The following PLEKHA4 variants were observed in gnomAD, a reference collection of about 807,000 sequenced individuals.
The protein encoded by PLEKHA4 is pleckstrin homology domain containing A4.
Under a neutral mutation model 94.7 loss-of-function variants are expected in PLEKHA4, and 73 were observed. That is an observed-to-expected ratio of 0.77 (90% CI 0.64 to 0.94). PLEKHA4 has a LOEUF of 0.94. Among genes scored for constraint, PLEKHA4 ranks in the 40% least tolerant of loss-of-function variants. The pLI, the probability that PLEKHA4 is intolerant of heterozygous loss-of-function variation, is 0.00. For missense variants in PLEKHA4, 1,049 were observed against 1,054.1 expected (o/e 1.00, Z 0.07); for synonymous variants, 449 against 437.1 (o/e 1.03, Z -0.34).
rs2036560132 is a variant in PLEKHA4, at chr19:48,859,635, C to A, written c.526G>T (p.Gly176Cys). The change falls in exon 7 of 20, where the codon GGC (glycine) becomes TGC (cysteine). Residue 176 changes from glycine (G) to cysteine (C), a missense_variant. Coordinates refer to ENST00000263265, the MANE Select transcript of PLEKHA4 (RefSeq NM_020904.3). ...CTCACCTCCGGGGGACCACCGGGGC[C>A]GCCGGGGCCCTCCCCGGGCTGGGGT... Reference protein sequence around the residue: ...ARPQPGEGPGGPGGPPEVSRG... With the variant: ...ARPQPGEGPGCPGGPPEVSRG... 1 of 1,612,728 alleles carries A rather than the reference C, an allele frequency of 6.2e-7. No individual in the cohort carries two copies. Among genetic ancestry groups the A allele is most frequent in the Non-Finnish European group, 8.5e-7 (1 of 1,179,958 alleles).
chr19:48,844,744 T>A, intron 16 of PLEKHA4: 1 of 610,300 alleles, frequency 1.6e-6, no homozygotes, highest in Non-Finnish European at 2.0e-6. Flanking sequence ...CCACTAGAAG[T>A]CAACCAGTTT....
intron 16 of PLEKHA4, among the ~76,000 whole-genome samples, chr19:48,843,305 A>T (rs759446038): frequency 4.0e-5 from 6 of 151,800 alleles, no homozygotes; most frequent in Non-Finnish European, 7.4e-5. Context: ...CAGCCTCCCG[A>T]GTAGCTGGGA....
chr19:48,838,240 C>A, intron 18 of PLEKHA4, 111 bp from the exon 19 acceptor site: 1 of 590,854 alleles, frequency 1.7e-6, no homozygotes, highest in South Asian at 2.2e-5. Flanking sequence ...TTAGATAGCA[C>A]AACAGAATGA....
rs1178813397 is a variant in PLEKHA4, at chr19:48,837,950, C to A, written c.2077+67G>T. On this transcript the variant is annotated intron_variant, in intron 19 of 19. Coordinates refer to ENST00000263265, the MANE Select transcript of PLEKHA4 (RefSeq NM_020904.3). This position sits in a 1 kb window ranked among gnomAD's most constrained non-coding sequence, Gnocchi z 4.3. ...CCCCCAGACCCCTCCTCTCCAGGAC[C>A]TGGGATTCCAGGTCTCCAGCTCTCT... 3.7e-6 allele frequency: 5 copies of A among 1,342,038 alleles called. No homozygotes were observed. The highest frequency in any genetic ancestry group is 5.3e-6 in the Non-Finnish European group (5 of 944,364). 83.1% of individuals were successfully genotyped at this position (1,342,038 alleles called of 1,614,324 possible).
chr19:48,853,534 A>C, intron 12 of PLEKHA4, 148 bp downstream of exon 12: 1 of 867,258 alleles, frequency 1.2e-6, no homozygotes, highest in Non-Finnish European at 1.6e-6. Context: ...GTTACAAGAC[A>C]ATGAGGAGAG....
Position 48,859,582 on chromosome 19 carries a change from T to C in PLEKHA4, c.579A>G (p.Glu193=). 6.2e-7 allele frequency: 1 copy of C among 1,613,942 alleles called. No homozygotes were observed. The highest frequency in any genetic ancestry group is 8.5e-7 in the Non-Finnish European group (1 of 1,180,024). ...TGGAGAGTCGAGTCACTTCCGGTGA[T>C]TCTGAGATGCGCCCCTCTTCCCCTC... ...VSRGEEGRIS[E]SPEVTRLSRG... Residue 193 remains glutamate, a synonymous_variant, in exon 7 of 20, where the codon GAA becomes GAG. Coordinates refer to ENST00000263265, the MANE Select transcript of PLEKHA4 (RefSeq NM_020904.3).
intron 2 of PLEKHA4, 83 bp from the exon 3 acceptor site, chr19:48,865,693 A>G (rs951706223): frequency 3.2e-6 from 3 of 924,862 alleles, no homozygotes; most frequent in Admixed American, 2.2e-5. Context: ...AGGCAACCGT[A>G]GGCTCTCGCT....
At chr19:48,847,469 C>T (rs1402221152) in intron 14 of PLEKHA4, among the ~76,000 whole-genome samples, 6 of 152,048 alleles carry the variant, frequency 3.9e-5, no homozygotes, top group Non-Finnish European at 7.4e-5. Flanking sequence ...AGGTGGCTCA[C>T]GCCTGTAATC....
At chr19:48,843,232 G>A (rs1479641943) in intron 16 of PLEKHA4, among the ~76,000 whole-genome samples, 2 of 152,134 alleles carry the variant, frequency 1.3e-5, no homozygotes, top group African/African-American at 4.8e-5. Context: ...AGGCTGGAGT[G>A]CAATGGCACG....
intron 16 of PLEKHA4, among the ~76,000 whole-genome samples, chr19:48,843,504 A>T (rs1410605010): frequency 6.7e-6 from 1 of 149,826 alleles, no homozygotes; most frequent in Non-Finnish European, 1.5e-5. Context: ...TTTTAAAGAC[A>T]TGGTTTCCCT....
chr19:48,860,543 A>G, intron 5 of PLEKHA4, 84 bp from the exon 6 acceptor site: 1 of 1,064,316 alleles, frequency 9.4e-7, no homozygotes, highest in Non-Finnish European at 1.4e-6. Context: ...ATTCCAGTAA[A>G]CCCAGTGCTT....
intron 17 of PLEKHA4, among the ~76,000 whole-genome samples, chr19:48,840,115 G>GA (rs1396336128): frequency 1.4e-4 from 20 of 147,712 alleles, no homozygotes; most frequent in East Asian, 4.0e-4. Flanking sequence ...CTCAAAAAAA[G>GA]AAAAAAAAAA....
In PLEKHA4 at chr19:48,867,981, A is replaced by G. The variant is rs565415955; in HGVS notation, c.-7+102T>C. ...CAGGCTACCTGTCTCCCGCCCTCCC[A>G]CATGCACCCCCAAACCACCCCTGCC... is the stretch of plus-strand genomic sequence containing the variant. On this transcript the variant is annotated intron_variant, in intron 1 of 19. Transcript: ENST00000263265. The surrounding 1 kb of genome is among the most constrained non-coding windows in gnomAD (Gnocchi z 4.7). 8 of 224,758 alleles carry G rather than the reference A, an allele frequency of 3.6e-5. No homozygotes were observed. The highest frequency in any genetic ancestry group is 8.7e-6 in the Non-Finnish European group (1 of 115,178). The allele number at this position is 224,758 out of a possible 1,614,324, so 13.9% of individuals were successfully genotyped here. A position where few individuals can be genotyped will look rare whatever the true frequency, so the allele number is the denominator to read the frequency against.
chr19:48,857,457 G>T lies in PLEKHA4; in HGVS notation c.1012C>A (p.Arg338=), dbSNP rs201722692. 1.4e-5 allele frequency: 22 copies of T among 1,563,904 alleles called. No individual in the cohort carries two copies. Among genetic ancestry groups the T allele is most frequent in the African/African-American group, 2.8e-5 (2 of 71,508 alleles). Residue 338 remains arginine (R), a synonymous_variant, in exon 9 of 20, where the codon CGG becomes AGG. Coordinates refer to ENST00000263265, the MANE Select transcript of PLEKHA4 (RefSeq NM_020904.3). The stretch of plus-strand genomic sequence containing the variant: ...ATGGAGGCCCGGGTCCCAGGGGGCC[G>T]CGGGGGGAGCTGGAGATAAGTGGGG... The part of the protein sequence containing the change: ...GSPTYLQLPP[R]PPGTRASMVL...
At chr19:48,849,588 C>T (rs1166105629) in intron 13 of PLEKHA4, among the ~76,000 whole-genome samples, 5 of 152,106 alleles carry the variant, frequency 3.3e-5, no homozygotes, top group East Asian at 1.9e-4. Context: ...GGACTACAGG[C>T]GTGAGCCAAC....
At position 48,859,030 on chromosome 19, in the gene PLEKHA4, G is replaced by C. The variant is rs2036534284; in HGVS notation, c.802C>G (p.Arg268Gly). 6.4e-7 allele frequency: 1 copy of C among 1,560,544 alleles called. No individual in the cohort carries two copies. Among genetic ancestry groups the C allele is most frequent in the Non-Finnish European group, 8.6e-7 (1 of 1,159,460 alleles). The change falls in exon 8 of 20, where the codon CGA (arginine) becomes GGA (glycine). Residue 268 changes from arginine (R) to glycine (G), a missense_variant. Coordinates refer to ENST00000263265, the MANE Select transcript of PLEKHA4 (RefSeq NM_020904.3). ...APSGDTAPPARPHTPLSRIDV... is the reference protein window; with the variant it reads ...APSGDTAPPAGPHTPLSRIDV... ...ATGCGACTCAACGGGGTGTGAGGTC[G>C]GGCAGGGGGTGCTGTGTCTCCTGAG... is the stretch of plus-strand genomic sequence containing the variant.
chr19:48,851,623 C>T (rs1226163887), intron 13 of PLEKHA4, among the ~76,000 whole-genome samples: 1 of 150,108 alleles, frequency 6.7e-6, no homozygotes, highest in Non-Finnish European at 1.5e-5. Flanking sequence ...TCCCCCTCCC[C>T]CTCAAAAAAA....
chr19:48,868,055 C>G (rs2036893424), intron 1 of PLEKHA4, 28 bp downstream of exon 1: 1 of 166,138 alleles, frequency 6.0e-6, no homozygotes, highest in Non-Finnish European at 1.3e-5. Context: ...ACCCAGAGAG[C>G]CCCTCCCAGC....
chr19:48,851,923 G>A (rs143106765), intron 13 of PLEKHA4, among the ~76,000 whole-genome samples: 1 of 152,090 alleles, frequency 6.6e-6, no homozygotes, highest in Admixed American at 6.6e-5. Flanking sequence ...CAGCCTGGGC[G>A]ACAGAGTGAG....
Sources: allele counts gnomAD v4.1 joint callset (sites outside exome capture counted in the v4.1 genomes callset), GRCh38; gene constraint gnomAD v4.1.1; non-coding constraint Gnocchi (gnomAD v3.1); transcripts MANE v1.5; gene names NCBI Gene and HGNC (gene_info 2026-07-23, HGNC 2026-07-21).